Variants in LTBP3 observed in about 807,000 individuals in gnomAD.
The protein encoded by LTBP3 is latent-transforming growth factor beta-binding protein 3.
Under a neutral mutation model 159.7 loss-of-function variants are expected in LTBP3, and 97 were observed. The observed-to-expected ratio is 0.61, with a 90% CI of 0.52 to 0.72. The LOEUF (loss-of-function observed/expected upper bound fraction) is 0.72. Ranked by LOEUF, LTBP3 falls within the 30% of genes least tolerant of loss-of-function variation. The probability of loss-of-function intolerance (pLI) is 0.00; values close to 1 mark genes in which losing one functional copy is unlikely to be tolerated. For missense variants in LTBP3, 1,584 were observed against 1,864.3 expected, an observed-to-expected ratio of 0.85 and a Z score of 2.77; for synonymous variants, 824 against 777.1, an observed-to-expected ratio of 1.06 and a Z score of -1.00.
At chr11:65,540,826 C>CCGGGGTGAGAGGGCG (rs753610335) in intron 21 of LTBP3, 45 bp downstream of exon 21, 3 of 1,579,500 alleles carry the variant, frequency 1.9e-6, no homozygotes, top group Non-Finnish European at 1.7e-6. Context: ...CGAGCCCAAC[C>CCGGGGTGAGAGGGCG]CGGGGTGAGA....
intron 21 of LTBP3, 95 bp from the exon 22 acceptor site, chr11:65,540,709 G>GGGCCTACAGGAGGGGCGA: frequency 6.3e-7 from 1 of 1,584,828 alleles, no homozygotes; most frequent in Non-Finnish European, 8.6e-7. Context: ...TCCCCGGGCG[G>GGGCCTACAGGAGGGGCGA]GGCCTACAGG....
rs140595871 is a variant in LTBP3, at chr11:65,547,489, T to C, written c.2057A>G (p.Asn686Ser). 31 of 1,614,164 alleles carry C rather than the reference T, an allele frequency of 1.9e-5. No homozygotes were observed. The highest frequency in any genetic ancestry group is 2.5e-5 in the Non-Finnish European group (30 of 1,180,008). Residue 686 changes from asparagine to serine, a missense_variant, in exon 14 of 28, where the codon AAC (asparagine) becomes AGC (serine). Around this residue, in one of 6 missense-constraint regions of LTBP3, gnomAD observed 565 missense variants for 677.7 expected, o/e 0.83. Transcript: ENST00000301873. The surrounding 1 kb of genome is among the most constrained non-coding windows in gnomAD (Gnocchi z 4.6). ...TTTGAGCCGGTAGCCGGGGTAGCAGTTGCACTTGTAGTGACCGGGAAAGTT... is the reference window on the plus strand; with the variant it reads ...TTTGAGCCGGTAGCCGGGGTAGCAGCTGCACTTGTAGTGACCGGGAAAGTT... Reference protein sequence around the residue: ...CINFPGHYKCNCYPGYRLKAS... With the variant: ...CINFPGHYKCSCYPGYRLKAS...
In LTBP3 at chr11:65,553,894, G is replaced by A; in HGVS notation, c.671C>T (p.Pro224Leu). Residue 224 changes from proline (P) to leucine (L), a missense_variant, in exon 3 of 28, where the codon CCG (proline) becomes CTG (leucine). This residue lies in a region of LTBP3 where 194 missense variants were observed against 198.7 expected (regional missense o/e 0.98). Transcript: ENST00000301873. The surrounding 1 kb of genome is among the most constrained non-coding windows in gnomAD (Gnocchi z 6.5). Reference sequence around the variant, plus strand: ...GACGCGCACATTCACCACGGGGGGCGGGGCCTGCACTGGGGGCGGGCGCGG... The same window carrying A: ...GACGCGCACATTCACCACGGGGGGCAGGGCCTGCACTGGGGGCGGGCGCGG... The part of the protein sequence containing the change: ...PGQISAEVQA[P>L]PPVVNVRVHH... 6.5e-7 allele frequency: 1 copy of A among 1,547,652 alleles called. No individual in the cohort carries two copies. The highest frequency in any genetic ancestry group is 8.7e-7 in the Non-Finnish European group (1 of 1,152,290).
At position 65,539,194 on chromosome 11, in the gene LTBP3, C is replaced by T. The variant is rs1855930638; in HGVS notation, c.3798G>A (p.Leu1266=). The part of the protein sequence containing the change: ...DECRELNQRG[L]LCKSERCVNT... ...TCACGCAGCGCTCGCTCTTGCACAG[C>T]AGCCCGCGCTGGTTCAGCTCTCGGC... The change falls in exon 28 of 28, where the codon CTG becomes CTA. Residue 1266 remains leucine, a synonymous_variant. Transcript: ENST00000301873. 3 of 1,522,618 alleles carry T rather than the reference C, an allele frequency of 2.0e-6. No individual in the cohort carries two copies. Among genetic ancestry groups the T allele is most frequent in the South Asian group, 1.2e-5 (1 of 82,752 alleles). 94.3% of individuals were successfully genotyped at this position (1,522,618 alleles called of 1,614,324 possible). A position where few individuals can be genotyped will look rare whatever the true frequency, so the allele number is the denominator to read the frequency against.
chr11:65,547,784 C>T lies in LTBP3; in HGVS notation c.1884G>A (p.Gly628=), dbSNP rs753449877. The part of the protein sequence containing the change: ...NECEAEPCGP[G]RGICMNTGGS... Reference sequence around the variant, plus strand: ...CGCCGGTGTTCATGCAGATGCCCCTCCCCGGGCCACAGGGCTCTGCCTCGC... The same window carrying T: ...CGCCGGTGTTCATGCAGATGCCCCTTCCCGGGCCACAGGGCTCTGCCTCGC... Residue 628 remains glycine (G), a synonymous_variant, in exon 13 of 28, where the codon GGG becomes GGA. Coordinates refer to ENST00000301873, the MANE Select transcript of LTBP3 (RefSeq NM_001130144.3). The surrounding 1 kb of genome is among the most constrained non-coding windows in gnomAD (Gnocchi z 4.6). The T allele has an allele frequency of 6.2e-6, 10 of 1,612,834 alleles. No homozygotes were observed. In the South Asian group the frequency reaches 1.1e-4, roughly 18 times the overall value.
At position 65,547,270 on chromosome 11, in the gene LTBP3, G is replaced by T. The variant is rs1307484650; in HGVS notation, c.2107+169C>A. ...GAGGCAGGAGAATCGCTTGAACCCG[G>T]GAGGCGGAGGTTGCAGTGAGCCAAG... is the stretch of plus-strand genomic sequence containing the variant. On this transcript the variant is annotated intron_variant, in intron 14 of 27. Transcript: ENST00000301873. The surrounding 1 kb of genome is among the most constrained non-coding windows in gnomAD (Gnocchi z 4.6). Among the ~76,000 whole-genome samples, 1 of 152,048 alleles carries T rather than the reference G, an allele frequency of 6.6e-6. No homozygotes were observed. Among genetic ancestry groups the T allele is most frequent in the Admixed American group, 6.6e-5 (1 of 15,260 alleles).
intron 11 of LTBP3, 93 bp from the exon 12 acceptor site, chr11:65,548,138 A>C: frequency 6.3e-7 from 1 of 1,581,898 alleles, no homozygotes. Flanking sequence ...TCACACCATG[A>C]CCTCAGGTTC....
In LTBP3 at chr11:65,554,195, C is replaced by A. The variant is rs1856723883; in HGVS notation, c.517G>T (p.Ala173Ser). 8 of 1,611,228 alleles carry A rather than the reference C, an allele frequency of 5.0e-6. No individual in the cohort carries two copies. The highest frequency in any genetic ancestry group is 6.8e-6 in the Non-Finnish European group (8 of 1,179,478). Residue 173 changes from alanine (A) to serine (S), a missense_variant, in exon 2 of 28, where the codon GCT becomes TCT. Ala to Ser is a moderately conservative substitution (Grantham distance 99, BLOSUM62 1). Coordinates refer to ENST00000301873, the MANE Select transcript of LTBP3 (RefSeq NM_001130144.3). The surrounding 1 kb of genome is among the most constrained non-coding windows in gnomAD (Gnocchi z 5.3). ...CTGGCCACAGAGTCGCCCTCCGGAG[C>A]CAGGGGCGGCAGCGCCCCTGTGGAC... Reference protein sequence around the residue: ...ALSTGALPPLAPEGDSVASKH... With the variant: ...ALSTGALPPLSPEGDSVASKH...
In LTBP3 at chr11:65,553,539, AG is replaced by A; in HGVS notation, c.865-10del. 1 of 1,493,636 alleles carries A rather than the reference AG, an allele frequency of 6.7e-7. No individual in the cohort carries two copies. The highest frequency in any genetic ancestry group is 9.3e-7 in the Non-Finnish European group (1 of 1,073,756). The allele number at this position is 1,493,636 out of a possible 1,614,324, so 92.5% of individuals were successfully genotyped here. A position where few individuals can be genotyped will look rare whatever the true frequency, so the allele number is the denominator to read the frequency against. ...AGGGGGTTGCTGCCACACTAGGGGAAGGAGGGGGAGGTGGGGTCACAGAGCA... is the reference window on the plus strand; with the variant it reads ...AGGGGGTTGCTGCCACACTAGGGGAAGAGGGGGAGGTGGGGTCACAGAGCA... On this transcript the variant is annotated splice_polypyrimidine_tract_variant and intron_variant, in intron 3 of 27. Coordinates refer to ENST00000301873, the MANE Select transcript of LTBP3 (RefSeq NM_001130144.3). The surrounding 1 kb of genome is among the most constrained non-coding windows in gnomAD (Gnocchi z 6.5).
At position 65,540,132 on chromosome 11, in the gene LTBP3, G is replaced by C. The variant is rs1463356330; in HGVS notation, c.3266C>G (p.Pro1089Arg). Residue 1089 changes from proline (P) to arginine (R), a missense_variant, in exon 24 of 28, where the codon CCG becomes CGG. Coordinates refer to ENST00000301873, the MANE Select transcript of LTBP3 (RefSeq NM_001130144.3). ...EEMDVDECQD[P>R]AACRPGRCVN... ...GCAGCGGCCAGGGCGGCAGGCTGCC[G>C]GGTCCTGGCACTCGTCCACGTCTAC... The C allele has an allele frequency of 6.5e-7, 1 of 1,527,244 alleles. No homozygotes were observed. The highest frequency in any genetic ancestry group is 1.2e-5 in the South Asian group (1 of 83,474). 94.6% of individuals were successfully genotyped at this position (1,527,244 alleles called of 1,614,324 possible). A position where few individuals can be genotyped will look rare whatever the true frequency, so the allele number is the denominator to read the frequency against.
Position 65,553,885 on chromosome 11 carries a change from A to G in LTBP3, c.680T>C (p.Val227Ala). ...ISAEVQAPPP[V>A]VNVRVHHPPE... The stretch of plus-strand genomic sequence containing the variant: ...CGGGTGATGGACGCGCACATTCACC[A>G]CGGGGGGCGGGGCCTGCACTGGGGG... The change falls in exon 3 of 28, where the codon GTG (valine) becomes GCG (alanine). Residue 227 changes from valine (V) to alanine (A), a missense_variant. By Grantham distance (64) the Val-to-Ala change is moderately conservative. This residue lies in a region of LTBP3 where 194 missense variants were observed against 198.7 expected (regional missense o/e 0.98). Transcript: ENST00000301873. This position sits in a 1 kb window ranked among gnomAD's most constrained non-coding sequence, Gnocchi z 6.5. 6.5e-7 allele frequency: 1 copy of G among 1,543,542 alleles called. No homozygotes were observed.
Position 65,547,316 on chromosome 11 carries a change from C to T in LTBP3, c.2107+123G>A, listed in dbSNP as rs1277446455. ...CCAAGATCTCACCACCGCACTCCAG[C>T]CTGGGCGACAGAGTGAGACTCCGTC... On this transcript the variant is annotated intron_variant, in intron 14 of 27. Coordinates refer to ENST00000301873, the MANE Select transcript of LTBP3 (RefSeq NM_001130144.3). This position sits in a 1 kb window ranked among gnomAD's most constrained non-coding sequence, Gnocchi z 4.6. 1.1e-5 allele frequency: 13 copies of T among 1,225,594 alleles called. No homozygotes were observed. The highest frequency in any genetic ancestry group is 1.5e-5 in the Non-Finnish European group (13 of 866,516). 75.9% of individuals were successfully genotyped at this position (1,225,594 alleles called of 1,614,324 possible).
At position 65,547,892 on chromosome 11, in the gene LTBP3, G is replaced by A. The variant is rs1439707497; in HGVS notation, c.1846+28C>T. On this transcript the variant is annotated intron_variant, in intron 12 of 27. Transcript: ENST00000301873. The surrounding 1 kb of genome is among the most constrained non-coding windows in gnomAD (Gnocchi z 4.6). Reference sequence around the variant, plus strand: ...ATCTGGGGTCCCCCCCCACCCACCTGCATGCCCGCCGCCTGCCCTGCGCTC... The same window carrying A: ...ATCTGGGGTCCCCCCCCACCCACCTACATGCCCGCCGCCTGCCCTGCGCTC... 2 of 1,613,444 alleles carry A rather than the reference G, an allele frequency of 1.2e-6. No homozygotes were observed. The highest frequency in any genetic ancestry group is 1.7e-5 in the Admixed American group (1 of 60,020).
Position 65,539,530 on chromosome 11 carries a change from C to T in LTBP3, c.3628+18G>A, listed in dbSNP as rs766201741. The T allele has an allele frequency of 5.0e-6, 8 of 1,610,736 alleles. No homozygotes were observed. In the South Asian group the frequency reaches 6.6e-5, roughly 13 times the overall value. On this transcript the variant is annotated intron_variant, in intron 26 of 27. Transcript: ENST00000301873. ...AAAGGCTACCAACCCCGCCACCGCC[C>T]GACCCGGCAGCACTCACCTCTTGGG...
rs972729215 is a variant in LTBP3, at chr11:65,552,594, C to T, written c.1187-188G>A. 6.6e-6 allele frequency among the ~76,000 whole-genome samples: 1 copy of T among 152,118 alleles called. No individual in the cohort carries two copies. Among genetic ancestry groups the T allele is most frequent in the Non-Finnish European group, 1.5e-5 (1 of 68,012 alleles). On this transcript the variant is annotated intron_variant, in intron 6 of 27. Coordinates refer to ENST00000301873, the MANE Select transcript of LTBP3 (RefSeq NM_001130144.3). This position sits in a 1 kb window ranked among gnomAD's most constrained non-coding sequence, Gnocchi z 6.0. The stretch of plus-strand genomic sequence containing the variant: ...TGTGACCACTGACCCCATTGACTCC[C>T]GATTCTAGCTATCCTGGACTTCACC...
chr11:65,548,062 G>A lies in LTBP3; in HGVS notation c.1721-17C>T. ...CATCAGTCTCTGCGGGCATGGCCAG[G>A]TCAAGCGGCAGAGCAGGGAGCGCTC... On this transcript the variant is annotated splice_polypyrimidine_tract_variant and intron_variant, in intron 11 of 27. Coordinates refer to ENST00000301873, the MANE Select transcript of LTBP3 (RefSeq NM_001130144.3). 1 of 1,613,716 alleles carries A rather than the reference G, an allele frequency of 6.2e-7. No homozygotes were observed.
At chr11:65,542,675 C>T (rs557196803) in intron 18 of LTBP3, 41 of 294,736 alleles carry the variant, frequency 1.4e-4, no homozygotes, top group African/African-American at 6.4e-4. Flanking sequence ...CATGAGCCAC[C>T]GCCCCCAGCC....
At position 65,547,268 on chromosome 11, in the gene LTBP3, C is replaced by T. The variant is rs1425316668; in HGVS notation, c.2107+171G>A. On this transcript the variant is annotated intron_variant, in intron 14 of 27. Transcript: ENST00000301873. The surrounding 1 kb of genome is among the most constrained non-coding windows in gnomAD (Gnocchi z 4.6). The stretch of plus-strand genomic sequence containing the variant: ...CTGAGGCAGGAGAATCGCTTGAACC[C>T]GGGAGGCGGAGGTTGCAGTGAGCCA... 1.3e-5 allele frequency among the ~76,000 whole-genome samples: 2 copies of T among 151,874 alleles called. No individual in the cohort carries two copies. Among genetic ancestry groups the T allele is most frequent in the East Asian group, 1.9e-4 (1 of 5,178 alleles).
At chr11:65,543,612 T>C in intron 16 of LTBP3, 63 bp from the exon 17 acceptor site, 1 of 1,607,546 alleles carries the variant, frequency 6.2e-7, no homozygotes, top group Non-Finnish European at 8.5e-7. Context: ...ACTACTGTTT[T>C]CTCACTTCTG....
Sources: allele counts gnomAD v4.1 joint callset (sites outside exome capture counted in the v4.1 genomes callset), GRCh38; gene constraint gnomAD v4.1.1; regional missense constraint gnomAD v4.1.1; non-coding constraint Gnocchi (gnomAD v3.1); transcripts MANE v1.5; gene names NCBI Gene and HGNC (gene_info 2026-07-23, HGNC 2026-07-21).